The following GTF2E2 variants were observed in gnomAD, a reference collection of about 807,000 sequenced individuals.
GTF2E2 encodes the protein transcription initiation factor IIE subunit beta.
GTF2E2 carries 21 observed loss-of-function variants against 40.5 expected under a neutral mutation model. That is an observed-to-expected ratio of 0.52 (90% CI 0.37 to 0.75). The LOEUF (loss-of-function observed/expected upper bound fraction) is 0.75. Among genes scored for constraint, GTF2E2 ranks in the 30% least tolerant of loss-of-function variants. The pLI is 0.00. For missense variants in GTF2E2, 298 were observed against 338.4 expected, an observed-to-expected ratio of 0.88 and a Z score of 0.94; for synonymous variants, 117 against 121.6, an observed-to-expected ratio of 0.96 and a Z score of 0.25.
intron 6 of GTF2E2, among the ~76,000 whole-genome samples, chr8:30,605,000 G>A (rs1011653008): frequency 2.6e-5 from 4 of 152,172 alleles, no homozygotes; most frequent in Non-Finnish European, 4.4e-5. Flanking sequence ...CAGATTACAA[G>A]AACATCTGGG....
rs561867435 is a variant in GTF2E2, at chr8:30,635,423, C to T, written c.167-300G>A. Among the ~76,000 whole-genome samples, 3 of 152,170 alleles carry T rather than the reference C, an allele frequency of 2.0e-5. No homozygotes were observed. The East Asian group carries it at 5.8e-4, about 29-fold the overall frequency. ...TTGAGACAGGGTCGCATTCCCATTG[C>T]CCAGGCTGAAGTTCAATGGCACAAT... On this transcript the variant is annotated intron_variant, in intron 2 of 7. Transcript: ENST00000355904.
Position 30,635,016 on chromosome 8 carries a change from T to G in GTF2E2, c.258+16A>C. 7.0e-7 allele frequency: 1 copy of G among 1,419,458 alleles called. No homozygotes were observed. Among genetic ancestry groups the G allele is most frequent in the Non-Finnish European group, 9.9e-7 (1 of 1,014,346 alleles). The allele number at this position is 1,419,458 out of a possible 1,614,324, so 87.9% of individuals were successfully genotyped here. ...AAAGTTAAATAGGACTTTTGCTATC[T>G]GAGAAAAGTACTTACCTTCATGTAA... On this transcript the variant is annotated intron_variant, in intron 3 of 7. Coordinates refer to ENST00000355904, the MANE Select transcript of GTF2E2 (RefSeq NM_002095.6).
At chr8:30,609,779 G>A (rs1829430489) in intron 5 of GTF2E2, among the ~76,000 whole-genome samples, 1 of 152,162 alleles carries the variant, frequency 6.6e-6, no homozygotes, top group South Asian at 2.1e-4. Flanking sequence ...TATGAAGGTG[G>A]ATTTCCCTCT....
At chr8:30,593,882 A>G (rs1203594047) in intron 6 of GTF2E2, among the ~76,000 whole-genome samples, 5 of 152,130 alleles carry the variant, frequency 3.3e-5, no homozygotes, top group South Asian at 2.1e-4. Context: ...TTTGCACAGT[A>G]TATCATTTTA....
chr8:30,610,449 A>C (rs565531290), intron 5 of GTF2E2, among the ~76,000 whole-genome samples: 1 of 151,710 alleles, frequency 6.6e-6, no homozygotes, highest in African/African-American at 2.4e-5. Context: ...GTCTCAAAAA[A>C]AAAAAAAAAA....
At chr8:30,636,966 A>C (rs1442006711) in intron 2 of GTF2E2, 2 of 442,002 alleles carry the variant, frequency 4.5e-6, no homozygotes, top group Admixed American at 5.2e-5. Flanking sequence ...CACATCTGTA[A>C]TAAAAGTAAC....
intron 7 of GTF2E2, among the ~76,000 whole-genome samples, chr8:30,579,764 C>T (rs1828456267): frequency 6.6e-6 from 1 of 152,162 alleles, no homozygotes; most frequent in Non-Finnish European, 1.5e-5. Context: ...TTTGCTGGTG[C>T]AAGGCAATGT....
chr8:30,596,925 G>A (rs1225617000), intron 6 of GTF2E2: 3 of 152,314 alleles, frequency 2.0e-5, no homozygotes, highest in Non-Finnish European at 2.9e-5. Flanking sequence ...TTTGCCAGAG[G>A]ATGTTTTCCT....
At position 30,590,826 on chromosome 8, in the gene GTF2E2, G is replaced by T. The variant is rs148037371; in HGVS notation, c.644-10430C>A. On this transcript the variant is annotated intron_variant, in intron 6 of 7. Coordinates refer to ENST00000355904, the MANE Select transcript of GTF2E2 (RefSeq NM_002095.6). ...CTGCCTCAGCCTCCCGAGTAGCTGGGATTACAGATGGGGACCACCATGCCC... is the reference window on the plus strand; with the variant it reads ...CTGCCTCAGCCTCCCGAGTAGCTGGTATTACAGATGGGGACCACCATGCCC... 5.2e-3 allele frequency among the ~76,000 whole-genome samples: 788 copies of T among 152,126 alleles called. 8 individuals carry two copies. Among genetic ancestry groups the T allele is most frequent in the African/African-American group, 0.018 (743 of 41,472 alleles).
At chr8:30,614,305 C>T (rs1227668006) in intron 4 of GTF2E2, among the ~76,000 whole-genome samples, 1 of 152,186 alleles carries the variant, frequency 6.6e-6, no homozygotes, top group African/African-American at 2.4e-5. Context: ...CTAGGCAAGG[C>T]GCAGTGGCTC....
intron 3 of GTF2E2, among the ~76,000 whole-genome samples, chr8:30,632,738 C>T (rs1801477863): frequency 6.6e-6 from 1 of 152,050 alleles, no homozygotes; most frequent in African/African-American, 2.4e-5. Context: ...GGTAACAAAT[C>T]CTTTGGCAAG....
Position 30,614,693 on chromosome 8 carries a change from G to C in GTF2E2, c.281C>G (p.Thr94Arg). 6.2e-7 allele frequency: 1 copy of C among 1,602,890 alleles called. No individual in the cohort carries two copies. Among genetic ancestry groups the C allele is most frequent in the South Asian group, 1.1e-5 (1 of 90,600 alleles). ...YMKTRHQRGD[T>R]HPLTLDEILD... ...AATTTCATCTAAGGTTAGAGGATGC[G>C]TATCTCCTCGCTGATGCCGTGTCTA... is the stretch of plus-strand genomic sequence containing the variant. Residue 94 changes from threonine to arginine, a missense_variant, in exon 4 of 8, where the codon ACG becomes AGG. Coordinates refer to ENST00000355904, the MANE Select transcript of GTF2E2 (RefSeq NM_002095.6).
chr8:30,609,988 T>G (rs1005259288), intron 5 of GTF2E2, among the ~76,000 whole-genome samples: 4 of 152,306 alleles, frequency 2.6e-5, no homozygotes, highest in Middle Eastern at 3.4e-3. Flanking sequence ...CTGGAGAGCC[T>G]GCAGAACTGT....
chr8:30,581,793 CTT>C (rs1828521832), intron 6 of GTF2E2, among the ~76,000 whole-genome samples: 1 of 152,134 alleles, frequency 6.6e-6, no homozygotes, highest in East Asian at 1.9e-4. Context: ...CTATTTCCAT[CTT>C]GTTTCCATGA....
intron 6 of GTF2E2, among the ~76,000 whole-genome samples, chr8:30,605,625 ATTT>A (rs35044873): frequency 6.8e-6 from 1 of 147,984 alleles, no homozygotes. Flanking sequence ...TATTTCTTAG[ATTT>A]TTTTTTTTTT....
intron 2 of GTF2E2, among the ~76,000 whole-genome samples, chr8:30,651,409 T>C (rs1267386216): frequency 1.3e-5 from 2 of 151,656 alleles, no homozygotes. Context: ...AATGAACAAT[T>C]TAAAAAAAAA....
intron 2 of GTF2E2, among the ~76,000 whole-genome samples, chr8:30,648,495 A>G (rs1802171111): frequency 1.3e-5 from 2 of 152,198 alleles, no homozygotes; most frequent in Non-Finnish European, 1.5e-5. Context: ...TAGTTGTTAC[A>G]CCCAATATTT....
rs1800853614 is a variant in GTF2E2 at position 30,614,464 on chromosome 8, C to T, written c.366+144G>A. 13 of 539,236 alleles carry T rather than the reference C, an allele frequency of 2.4e-5. 1 individual carries two copies. The South Asian group carries it at 3.0e-4, about 12-fold the overall frequency. 33.4% of individuals were successfully genotyped at this position (539,236 alleles called of 1,614,324 possible). On this transcript the variant is annotated intron_variant, in intron 4 of 7. Coordinates refer to ENST00000355904, the MANE Select transcript of GTF2E2 (RefSeq NM_002095.6). ...GTATCGTGGCACATGCCTGTAGTCCCAACTACTCGGGAGGCTGAGTCAGCA... is the reference window on the plus strand; with the variant it reads ...GTATCGTGGCACATGCCTGTAGTCCTAACTACTCGGGAGGCTGAGTCAGCA...
chr8:30,603,641 C>CAGTA (rs760835858), intron 6 of GTF2E2, among the ~76,000 whole-genome samples: 27 of 152,152 alleles, frequency 1.8e-4, no homozygotes, highest in Non-Finnish European at 2.4e-4. Flanking sequence ...ATATAAAAAG[C>CAGTA]AGTAACTACA....
Sources: allele counts gnomAD v4.1 joint callset (sites outside exome capture counted in the v4.1 genomes callset), GRCh38; gene constraint gnomAD v4.1.1; transcripts MANE v1.5; gene names NCBI Gene and HGNC (gene_info 2026-07-23, HGNC 2026-07-21).